Variants in DIP2B observed in about 807,000 individuals in gnomAD.
The protein encoded by DIP2B is disco-interacting protein 2 homolog B.
DIP2B carries 76 observed loss-of-function variants against 198.0 expected under a neutral mutation model. The observed-to-expected ratio is 0.38, with a 90% CI of 0.32 to 0.46. The LOEUF (loss-of-function observed/expected upper bound fraction) is 0.46. DIP2B is among the 20% of genes least tolerant of loss of function. DIP2B has a pLI of 0.99. For synonymous variants in DIP2B, 701 were observed against 739.1 expected (o/e 0.95, Z 0.84); for missense variants, 1,559 against 1,978.4 (o/e 0.79, Z 4.02).
chr12:50,738,315 A>G lies in DIP2B; in HGVS notation c.4177-1094A>G, dbSNP rs373084684. Among the ~76,000 whole-genome samples, 22 of 151,968 alleles carry G rather than the reference A, an allele frequency of 1.4e-4. No homozygotes were observed. In the East Asian group the frequency reaches 2.3e-3, roughly 16 times the overall value. ...CTGCACTCCAGCCTGATGACAGAGC[A>G]AGACTCTCAAAAATAATAATAATAA... On this transcript the variant is annotated intron_variant, in intron 35 of 37. Transcript: ENST00000301180.
At chr12:50,624,971 A>C (rs934335188) in intron 1 of DIP2B, among the ~76,000 whole-genome samples, 6 of 152,222 alleles carry the variant, frequency 3.9e-5, no homozygotes, top group African/African-American at 1.4e-4. Flanking sequence ...TATCCGTCAG[A>C]CATGCTTTTT....
intron 21 of DIP2B, among the ~76,000 whole-genome samples, chr12:50,708,171 A>G (rs887986237): frequency 6.6e-6 from 1 of 151,756 alleles, no homozygotes; most frequent in Non-Finnish European, 1.5e-5. Flanking sequence ...TTCTGTATTT[A>G]TTTGTTTGTT....
chr12:50,594,443 T>C (rs1435609427), intron 1 of DIP2B, among the ~76,000 whole-genome samples: 1 of 152,194 alleles, frequency 6.6e-6, no homozygotes, highest in Non-Finnish European at 1.5e-5. Context: ...TTATTTTAGG[T>C]TTAATTTTAT....
intron 1 of DIP2B, among the ~76,000 whole-genome samples, chr12:50,570,116 A>G (rs932932257): frequency 3.3e-5 from 5 of 152,070 alleles, no homozygotes; most frequent in African/African-American, 9.7e-5. Context: ...CTGAAAATCA[A>G]CTCTGGAACA....
At chr12:50,576,365 C>CCTTT (rs72377071) in intron 1 of DIP2B, among the ~76,000 whole-genome samples, 14 of 51,732 alleles carry the variant, frequency 2.7e-4, no homozygotes, top group East Asian at 9.9e-4. Context: ...CTGCACCCAG[C>CCTTT]ATTTTTTTTT....
At chr12:50,617,920 A>G (rs1306247420) in intron 1 of DIP2B, among the ~76,000 whole-genome samples, 1 of 152,230 alleles carries the variant, frequency 6.6e-6, no homozygotes. Flanking sequence ...AGTGATTCAT[A>G]GTAATTGCTT....
chr12:50,723,748 G>GA (rs969645744), intron 27 of DIP2B, among the ~76,000 whole-genome samples: 237 of 143,046 alleles, frequency 1.7e-3, no homozygotes, highest in African/African-American at 3.6e-3. Flanking sequence ...GTCGCCAAAA[G>GA]AAAAAAAAAA....
At position 50,744,607 on chromosome 12, in the gene DIP2B, A is replaced by G. The variant is rs747290488; in HGVS notation, c.4499A>G (p.Asn1500Ser). The G allele has an allele frequency of 4.3e-5, 69 of 1,614,052 alleles. No homozygotes were observed. The East Asian group carries it at 1.3e-3, about 30-fold the overall frequency. ...TTCAGTGCCGTGTTCACATGGACCA[A>G]CTTGCTTGTGGTGGTTGTGGAACTG... is the stretch of plus-strand genomic sequence containing the variant. ...IAECAVFTWT[N>S]LLVVVVELCG... is the part of the protein sequence containing the mutation. The change falls in exon 38 of 38, where the codon AAC (asparagine) becomes AGC (serine). Residue 1500 changes from asparagine (N) to serine (S), a missense_variant. Asn to Ser is a conservative substitution (Grantham distance 46). Transcript: ENST00000301180.
intron 12 of DIP2B, among the ~76,000 whole-genome samples, chr12:50,688,846 A>C (rs1939175204): frequency 1.3e-5 from 2 of 152,010 alleles, no homozygotes; most frequent in African/African-American, 2.4e-5. Context: ...TGGCTCTCCG[A>C]AAGGTGGAGG....
chr12:50,570,406 G>T (rs947802743), intron 1 of DIP2B, among the ~76,000 whole-genome samples: 6 of 152,302 alleles, frequency 3.9e-5, no homozygotes, highest in Admixed American at 3.9e-4. Flanking sequence ...ACATTTTGGT[G>T]TATAAAGATA....
At chr12:50,713,849 A>T (rs1939663110) in intron 22 of DIP2B, among the ~76,000 whole-genome samples, 1 of 152,110 alleles carries the variant, frequency 6.6e-6, no homozygotes, top group Admixed American at 6.6e-5. Flanking sequence ...TGGGAGCATC[A>T]CTTGAGGCCA....
chr12:50,638,331 G>C (rs949146027), intron 2 of DIP2B, among the ~76,000 whole-genome samples: 3 of 152,148 alleles, frequency 2.0e-5, no homozygotes, highest in Admixed American at 6.5e-5. Context: ...TAAAGAAATA[G>C]AGTACCTCAA....
chr12:50,524,519 A>C (rs530911764), intron 1 of DIP2B, among the ~76,000 whole-genome samples: 2 of 148,036 alleles, frequency 1.4e-5, no homozygotes, highest in Non-Finnish European at 3.0e-5. Flanking sequence ...CTCCTTCCCT[A>C]TTCTTCCCTC....
intron 7 of DIP2B, among the ~76,000 whole-genome samples, chr12:50,676,370 C>A (rs1426086563): frequency 6.6e-6 from 1 of 152,212 alleles, no homozygotes; most frequent in Admixed American, 6.5e-5. Flanking sequence ...TAGACTAGAT[C>A]TGGTCTTAGC....
At position 50,636,690 on chromosome 12, in the gene DIP2B, C is replaced by T. The variant is rs189647467; in HGVS notation, c.173-4034C>T. On this transcript the variant is annotated intron_variant, in intron 2 of 37. Transcript: ENST00000301180. ...ACCAGCCAGTAATGCTGAGCCTGTT[C>T]CCTGCATCGGCTACTCTGATGCATC... 2.6e-5 allele frequency among the ~76,000 whole-genome samples: 4 copies of T among 152,290 alleles called. No homozygotes were observed. The South Asian group carries it at 6.2e-4, about 24-fold the overall frequency.
intron 1 of DIP2B, among the ~76,000 whole-genome samples, chr12:50,572,529 C>T (rs950665114): frequency 6.6e-5 from 10 of 152,094 alleles, no homozygotes; most frequent in African/African-American, 2.2e-4. Context: ...GCAAAAGGCT[C>T]CTGCTAGATG....
intron 1 of DIP2B, among the ~76,000 whole-genome samples, chr12:50,609,219 T>G (rs1321598508): frequency 6.6e-6 from 1 of 152,180 alleles, no homozygotes; most frequent in Admixed American, 6.5e-5. Context: ...AGAGTTAAAT[T>G]AGCTTTTAAA....
At chr12:50,717,544 T>G (rs985566903) in intron 23 of DIP2B, among the ~76,000 whole-genome samples, 4 of 151,960 alleles carry the variant, frequency 2.6e-5, no homozygotes, top group Admixed American at 1.3e-4. Flanking sequence ...TTTTTTTGTA[T>G]TTTTAGTAGA....
At chr12:50,604,604 C>T (rs1279619922) in intron 1 of DIP2B, among the ~76,000 whole-genome samples, 1 of 152,164 alleles carries the variant, frequency 6.6e-6, no homozygotes. Flanking sequence ...ACTGCAGGCA[C>T]ATGCTGCCAT....
Sources: gnomAD v4.1 joint callset for allele counts (sites outside exome capture counted in the v4.1 genomes callset) on GRCh38, gnomAD v4.1.1 for gene constraint, MANE v1.5 for transcripts, NCBI Gene and HGNC (gene_info 2026-07-23, HGNC 2026-07-21) for gene names.